The following C3 variants were observed in gnomAD, a reference collection of about 807,000 sequenced individuals.
C3 encodes the protein C3 and PZP-like alpha-2-macroglobulin domain-containing protein 1.
A neutral mutation model predicts 207.9 loss-of-function variants in C3; 97 were observed. The ratio of observed to expected loss-of-function variants is 0.47; its 90% CI spans 0.40 to 0.55. The LOEUF (loss-of-function observed/expected upper bound fraction) is 0.55, where lower values mean the gene tolerates loss of function less well. Among genes scored for constraint, C3 ranks in the 20% least tolerant of loss-of-function variants. C3 has a pLI of 0.00. For missense variants in C3, 1,684 were observed against 2,171.7 expected (o/e 0.78, Z 4.46); for synonymous variants, 848 against 857.6 (o/e 0.99, Z 0.20).
rs1309290054 is a variant in C3, at chr19:6,714,229, G to A, written c.619C>T (p.Arg207Ter). The A allele has an allele frequency of 2.5e-6, 4 of 1,613,854 alleles. No individual in the cohort carries two copies. Among genetic ancestry groups the A allele is most frequent in the Non-Finnish European group, 3.4e-6 (4 of 1,179,980 alleles). Reference sequence around the variant, plus strand: ...TGTGGTGAGTTTTCATAGTAGGCTCGGATCTTCCACTGGCCCATGCTGTGA... The same window carrying A: ...TGTGGTGAGTTTTCATAGTAGGCTCAGATCTTCCACTGGCCCATGCTGTGA... The part of the protein sequence containing the change: ...ELVNMGQWKI[R>*]AYYENSPQQV... Residue 207 changes from arginine (R) to a stop codon, truncating the protein, a stop_gained, in exon 6 of 41, where the codon CGA becomes TGA. Coordinates refer to ENST00000245907, the MANE Select transcript of C3 (RefSeq NM_000064.4). LOFTEE classifies it high-confidence loss of function.
In C3 at chr19:6,712,587, G is replaced by A. The variant is rs1304349009; in HGVS notation, c.1040C>T (p.Pro347Leu). ...DMVQAERSGI[P>L]IVTSPYQIHF... ...GATCTGGTAGGGAGAGGTCACGATG[G>A]GGATCCCGCTGCGCTCTGCCTGCAC... Residue 347 changes from proline (P) to leucine (L), a missense_variant, in exon 10 of 41, where the codon CCC becomes CTC. Physicochemically the swap from Pro to Leu is moderately conservative, Grantham distance 98 (BLOSUM62 -3). Around this residue, in one of 3 missense-constraint regions of C3, gnomAD observed 1,280 missense variants for 1,739.1 expected, o/e 0.74. Transcript: ENST00000245907. 2 of 1,614,130 alleles carry A rather than the reference G, an allele frequency of 1.2e-6. No homozygotes were observed. The highest frequency in any genetic ancestry group is 3.3e-5 in the Admixed American group (2 of 60,024).
intron 27 of C3, among the ~76,000 whole-genome samples, chr19:6,689,916 A>C (rs1194625676): frequency 6.6e-6 from 1 of 152,160 alleles, no homozygotes; most frequent in Non-Finnish European, 1.5e-5. Flanking sequence ...TGGGAGGCAA[A>C]GGGTGCAGTG....
rs778577015 is a variant in C3 at position 6,697,461 on chromosome 19, C to T, written c.2679G>A (p.Ser893=). ...QQTVTIPPKS[S]LSVPYVIVPL... Reference sequence around the variant, plus strand: ...GCACGATGACATATGGAACGGACAACGAGGACTTGGGGGGGATGGTTACGG... The same window carrying T: ...GCACGATGACATATGGAACGGACAATGAGGACTTGGGGGGGATGGTTACGG... The change falls in exon 21 of 41, where the codon TCG becomes TCA. Residue 893 remains serine, a synonymous_variant. Coordinates refer to ENST00000245907, the MANE Select transcript of C3 (RefSeq NM_000064.4). 12 of 1,613,530 alleles carry T rather than the reference C, an allele frequency of 7.4e-6. No homozygotes were observed. The highest frequency in any genetic ancestry group is 4.4e-5 in the South Asian group (4 of 91,040).
At chr19:6,701,946 C>T (rs1967683335) in intron 19 of C3, among the ~76,000 whole-genome samples, 181 bp downstream of exon 19, 1 of 152,190 alleles carries the variant, frequency 6.6e-6, no homozygotes, top group Non-Finnish European at 1.5e-5. Context: ...TGAATTCTTT[C>T]TTCCAAGTTA....
chr19:6,685,211 G>A, intron 29 of C3, 65 bp from the exon 30 acceptor site: 4 of 1,449,654 alleles, frequency 2.8e-6, no homozygotes, highest in Non-Finnish European at 3.8e-6. Context: ...AATCCAGTGG[G>A]GGATAAAGAG....
rs749155929 is a variant in C3, at chr19:6,707,841, G to A, written c.1934C>T (p.Thr645Ile). 1 of 1,613,966 alleles carries A rather than the reference G, an allele frequency of 6.2e-7. No individual in the cohort carries two copies. Among genetic ancestry groups the A allele is most frequent in the Admixed American group, 1.7e-5 (1 of 60,016 alleles). ...YAGVFSDAGL[T>I]FTSSSGQQTA... ...CTGCTGGCCACTGCTGCTCGTGAAG[G>A]TCAGCCCTGCGTCGGAGAAGACACC... Residue 645 changes from threonine to isoleucine, a missense_variant, in exon 15 of 41, where the codon ACC becomes ATC. Coordinates refer to ENST00000245907, the MANE Select transcript of C3 (RefSeq NM_000064.4).
rs1174683172 is a variant in C3, at chr19:6,696,400, C to G, written c.2929G>C (p.Glu977Gln). 1.9e-6 allele frequency: 3 copies of G among 1,612,944 alleles called. No homozygotes were observed. In the Admixed American group the frequency reaches 5.0e-5, roughly 27 times the overall value. The change falls in exon 23 of 41, where the codon GAG (glutamate) becomes CAG (glutamine). Residue 977 changes from glutamate to glutamine, a missense_variant. By Grantham distance (29) the Glu-to-Gln change is conservative. Coordinates refer to ENST00000245907, the MANE Select transcript of C3 (RefSeq NM_000064.4). ...LSDQVPDTES[E>Q]TRILLQGTPV... ...TCACCTTGCAGGAGAATTCTGGTCT[C>G]AGACTCGGTGTCCGGGACTTGGTCA...
In C3 at chr19:6,711,216, T is replaced by C. The variant is rs1967917799; in HGVS notation, c.1270-20A>G. The C allele has an allele frequency of 6.2e-7, 1 of 1,604,804 alleles. No individual in the cohort carries two copies. The highest frequency in any genetic ancestry group is 2.2e-5 in the East Asian group (1 of 44,830). ...GCGCACCTGGGTGGGGAAAGAGGGA[T>C]GCCTGCTGGTCGCCGCCCGAGGATA... On this transcript the variant is annotated intron_variant, in intron 11 of 40. Coordinates refer to ENST00000245907, the MANE Select transcript of C3 (RefSeq NM_000064.4).
At position 6,679,221 on chromosome 19, in the gene C3, G is replaced by A. The variant is rs1917795151; in HGVS notation, c.4547-13C>T. 3 of 1,610,946 alleles carry A rather than the reference G, an allele frequency of 1.9e-6. No individual in the cohort carries two copies. Among genetic ancestry groups the A allele is most frequent in the Non-Finnish European group, 2.5e-6 (3 of 1,177,066 alleles). On this transcript the variant is annotated splice_polypyrimidine_tract_variant and intron_variant, in intron 37 of 40. Transcript: ENST00000245907. ...ATGAAGCAATTCTCTGCAGGGTGGGGTGGAGACAGGGTCTAAGTCCCACTC... is the reference window on the plus strand; with the variant it reads ...ATGAAGCAATTCTCTGCAGGGTGGGATGGAGACAGGGTCTAAGTCCCACTC...
chr19:6,720,517 T>TG lies in C3; in HGVS notation c.72dup (p.Met25HisfsTer48). The TG allele has an allele frequency of 1.3e-6, 2 of 1,587,808 alleles. No individual in the cohort carries two copies. The highest frequency in any genetic ancestry group is 1.7e-6 in the Non-Finnish European group (2 of 1,166,088). ...GTGGGTAGAGTCATAACCACTCACA[T>TG]GGGACTCCCCAGAGCCAGGGGGAGG... is the stretch of plus-strand genomic sequence containing the variant. On this transcript the variant is annotated frameshift_variant and splice_region_variant, in exon 1 of 41. Transcript: ENST00000245907. LOFTEE classifies it high-confidence loss of function.
At chr19:6,718,999 A>G (rs1283750252) in intron 2 of C3, among the ~76,000 whole-genome samples, 1 of 120,646 alleles carries the variant, frequency 8.3e-6, no homozygotes, top group African/African-American at 3.3e-5. Flanking sequence ...GGGTCTCAGA[A>G]AAGGGAGGGG....
chr19:6,697,818 G>C (rs366510), intron 19 of C3, 24 bp from the exon 20 acceptor site: 108 of 1,605,804 alleles, frequency 6.7e-5, no homozygotes, highest in Non-Finnish European at 9.1e-5. Context: ...GACAGAACAC[G>C]GAGTGTCAAG....
Position 6,709,701 on chromosome 19 carries a change from T to A in C3, c.1828A>T (p.Lys610Ter). ...KGVFVLNKKNKLTQSKIWDVV... is the reference protein window; with the variant it reads ...KGVFVLNKKN ...GCCCTTACCTTACTCTGCGTCAGTT[T>A]GTTCTTCTTATTCAGCACGAACACG... is the stretch of plus-strand genomic sequence containing the variant. The change falls in exon 14 of 41, where the codon AAA becomes TAA. Residue 610 changes from lysine to a stop codon, truncating the protein, a stop_gained. Transcript: ENST00000245907. LOFTEE classifies it high-confidence loss of function. 1 of 1,613,676 alleles carries A rather than the reference T, an allele frequency of 6.2e-7. No individual in the cohort carries two copies. Among genetic ancestry groups the A allele is most frequent in the Non-Finnish European group, 8.5e-7 (1 of 1,179,902 alleles).
chr19:6,713,149 A>G (rs760369124), intron 9 of C3, 40 bp downstream of exon 9: 2 of 1,612,610 alleles, frequency 1.2e-6, no homozygotes, highest in East Asian at 4.5e-5. Flanking sequence ...AGACCGGCCC[A>G]CTTGGTGGTC....
At chr19:6,682,400 G>C in intron 33 of C3, 171 bp from the exon 34 acceptor site, 1 of 653,762 alleles carries the variant, frequency 1.5e-6, no homozygotes, top group Middle Eastern at 4.1e-4. Flanking sequence ...TAAAAAGCAA[G>C]GTAATGTAAT....
chr19:6,710,955 G>A (rs1399087993), intron 12 of C3, 32 bp downstream of exon 12: 2 of 1,608,750 alleles, frequency 1.2e-6, no homozygotes, highest in Non-Finnish European at 8.5e-7. Context: ...CAAGGAGGAG[G>A]CGGGGGCTGA....
rs755399576 is a variant in C3 at position 6,690,613 on chromosome 19, G to T, written c.3489+16C>A. 2 of 1,604,644 alleles carry T rather than the reference G, an allele frequency of 1.2e-6. No homozygotes were observed. The highest frequency in any genetic ancestry group is 1.7e-6 in the Non-Finnish European group (2 of 1,171,236). ...CGGGTAAGGTAGGGTAGGGTGGGAA[G>T]ATGGAGGGCACTTACGTTGACCTGC... On this transcript the variant is annotated intron_variant, in intron 27 of 40. Transcript: ENST00000245907.
intron 4 of C3, chr19:6,717,437 C>A: frequency 5.7e-6 from 1 of 175,290 alleles, no homozygotes; most frequent in South Asian, 1.2e-4. Flanking sequence ...TGTGTGCGCG[C>A]CATATGGTGT....
chr19:6,681,722 G>A (rs1265694486), intron 35 of C3, among the ~76,000 whole-genome samples: 2 of 152,084 alleles, frequency 1.3e-5, no homozygotes, highest in African/African-American at 2.4e-5. Context: ...CAAGTTGGAG[G>A]AGGCAAATGG....
Sources: gnomAD v4.1 joint callset for allele counts (sites outside exome capture counted in the v4.1 genomes callset) on GRCh38, gnomAD v4.1.1 for gene constraint, gnomAD v4.1.1 regional missense constraint, MANE v1.5 for transcripts, NCBI Gene and HGNC (gene_info 2026-07-23, HGNC 2026-07-21) for gene names.